Variants in SLC22A23 observed in about 807,000 individuals in gnomAD.
SLC22A23 encodes solute carrier family 22 member 23, also known as ion transporter protein.
A neutral mutation model predicts 61.0 loss-of-function variants in SLC22A23; 26 were observed. The observed-to-expected ratio is 0.43, with a 90% CI of 0.31 to 0.59. The LOEUF is 0.59. Among genes scored for constraint, SLC22A23 ranks in the 20% least tolerant of loss-of-function variants. The probability of loss-of-function intolerance (pLI) is 0.11; values close to 1 mark genes in which losing one functional copy is unlikely to be tolerated. For synonymous variants in SLC22A23, 430 were observed against 413.9 expected (o/e 1.04, Z -0.47); for missense variants, 796 against 934.7 (o/e 0.85, Z 1.94).
At chr6:3,355,131 C>A (rs558384284) in intron 3 of SLC22A23, among the ~76,000 whole-genome samples, 6 of 151,818 alleles carry the variant, frequency 4.0e-5, no homozygotes, top group Admixed American at 3.3e-4. Context: ...GGGCTCCTAC[C>A]CTCTATCTGC....
intron 3 of SLC22A23, among the ~76,000 whole-genome samples, chr6:3,353,088 A>C (rs1764873942): frequency 6.6e-6 from 1 of 152,246 alleles, no homozygotes; most frequent in Non-Finnish European, 1.5e-5. Context: ...GTGTCAAGAG[A>C]TGCAAAGTCT....
chr6:3,306,990 G>A (rs774382575), intron 4 of SLC22A23, among the ~76,000 whole-genome samples: 17 of 152,348 alleles, frequency 1.1e-4, no homozygotes, highest in Non-Finnish European at 2.2e-4. Flanking sequence ...CGTCTGCAGC[G>A]CGGTATGGAT....
At chr6:3,321,727 G>A (rs1762965504) in intron 4 of SLC22A23, among the ~76,000 whole-genome samples, 1 of 152,166 alleles carries the variant, frequency 6.6e-6, no homozygotes, top group African/African-American at 2.4e-5. Flanking sequence ...CTGGGGTGAG[G>A]GAAACAACCC....
At chr6:3,405,407 G>A (rs1258000541) in intron 3 of SLC22A23, among the ~76,000 whole-genome samples, 3 of 152,194 alleles carry the variant, frequency 2.0e-5, no homozygotes, top group Non-Finnish European at 2.9e-5. Context: ...GAAGGCCCAC[G>A]TATCTGAAGA....
chr6:3,379,848 C>A (rs1449343971), intron 3 of SLC22A23, among the ~76,000 whole-genome samples: 2 of 152,126 alleles, frequency 1.3e-5, no homozygotes, highest in Admixed American at 1.3e-4. Context: ...TCAAAGGGTT[C>A]CTGTGGTTTC....
chr6:3,450,552 G>A (rs890431244), intron 1 of SLC22A23, among the ~76,000 whole-genome samples: 5 of 152,308 alleles, frequency 3.3e-5, no homozygotes, highest in East Asian at 1.9e-4. Context: ...TGATCCGCCC[G>A]CCTCGGCCTC....
At chr6:3,374,069 C>T (rs370949531) in intron 3 of SLC22A23, among the ~76,000 whole-genome samples, 1 of 152,210 alleles carries the variant, frequency 6.6e-6, no homozygotes. Context: ...GATTTCAAAA[C>T]CTCACTACTT....
intron 1 of SLC22A23, 54 bp from the exon 2 acceptor site, chr6:3,415,909 C>T (rs1293810082): frequency 8.2e-6 from 11 of 1,340,992 alleles, no homozygotes; most frequent in Admixed American, 2.0e-5. Flanking sequence ...CAGAGCTAGT[C>T]GTACTCAATT....
chr6:3,447,631 C>T (rs1361964967), intron 1 of SLC22A23, among the ~76,000 whole-genome samples: 3 of 149,066 alleles, frequency 2.0e-5, no homozygotes, highest in Non-Finnish European at 3.0e-5. Flanking sequence ...CTCTGTTGCC[C>T]AGGCTGGAGT....
At position 3,322,111 on chromosome 6, in the gene SLC22A23, G is replaced by A. The variant is rs543583863; in HGVS notation, c.1082+1723C>T. On this transcript the variant is annotated intron_variant, in intron 4 of 9. Transcript: ENST00000406686. The surrounding 1 kb of genome is among the most constrained non-coding windows in gnomAD (Gnocchi z 4.1). ...GGAAGACAGGAGCCAGGTGTGGCAA[G>A]AGTTGGCCGCTTCAGGTCCAGGCTC... is the stretch of plus-strand genomic sequence containing the variant. Among the ~76,000 whole-genome samples the A allele has an allele frequency of 2.5e-3, 378 of 152,296 alleles. 2 individuals are homozygous for A. The highest frequency in any genetic ancestry group is 3.4e-3 in the Middle Eastern group (1 of 294).
At chr6:3,282,055 C>T (rs1759517587) in intron 9 of SLC22A23, among the ~76,000 whole-genome samples, 1 of 152,150 alleles carries the variant, frequency 6.6e-6, no homozygotes, top group African/African-American at 2.4e-5. Flanking sequence ...CTACCAACTG[C>T]CAGAGTTAAG....
chr6:3,453,905 C>T (rs1772270888), intron 1 of SLC22A23, among the ~76,000 whole-genome samples: 3 of 152,178 alleles, frequency 2.0e-5, no homozygotes, highest in Admixed American at 1.3e-4. Context: ...CACATTAGTG[C>T]ATCTGATACA....
Position 3,342,767 on chromosome 6 carries a change from T to G in SLC22A23, c.914-18765A>C, listed in dbSNP as rs558066233. 5.3e-5 allele frequency among the ~76,000 whole-genome samples: 8 copies of G among 152,274 alleles called. No individual in the cohort carries two copies. Among genetic ancestry groups the G allele is most frequent in the Non-Finnish European group, 8.8e-5 (6 of 68,028 alleles). On this transcript the variant is annotated intron_variant, in intron 3 of 9. Coordinates refer to ENST00000406686, the MANE Select transcript of SLC22A23 (RefSeq NM_015482.2). The surrounding 1 kb of genome is among the most constrained non-coding windows in gnomAD (Gnocchi z 4.0). ...AACCTTTTCCTCCACCCTCCTAGGG[T>G]CAGTGCTTGGGGCCTGTGAATTAAA...
rs929724768 is a variant in SLC22A23 at position 3,441,222 on chromosome 6, C to T, written c.654+14684G>A. Among the ~76,000 whole-genome samples, 8 of 152,268 alleles carry T rather than the reference C, an allele frequency of 5.3e-5. No individual in the cohort carries two copies. The East Asian group carries it at 7.7e-4, about 15-fold the overall frequency. ...ACATGGGTGTGTCCTGGAGGTACAG[C>T]GCCTCAGGGGCTGGCTTGAGGGGCT... On this transcript the variant is annotated intron_variant, in intron 1 of 9. Transcript: ENST00000406686.
At position 3,396,568 on chromosome 6, in the gene SLC22A23, A is replaced by G. The variant is rs565233027; in HGVS notation, c.913+13620T>C. Among the ~76,000 whole-genome samples, 7 of 152,124 alleles carry G rather than the reference A, an allele frequency of 4.6e-5. No homozygotes were observed. In the East Asian group the frequency reaches 9.7e-4, roughly 21 times the overall value. On this transcript the variant is annotated intron_variant, in intron 3 of 9. Transcript: ENST00000406686. ...ACCTCAAAAACAAAACAAAACAACA[A>G]CAACAAACCCCAAGACCCTAGCAGG...
chr6:3,303,141 A>G (rs1581654075), intron 4 of SLC22A23: 1 of 152,226 alleles, frequency 6.6e-6, no homozygotes, highest in South Asian at 2.1e-4. Context: ...AACACAAATC[A>G]AAACCACAAT....
chr6:3,302,995 C>T (rs1310779860), intron 4 of SLC22A23: 1 of 152,078 alleles, frequency 6.6e-6, no homozygotes, highest in African/African-American at 2.4e-5. Flanking sequence ...ATATGAGGAA[C>T]TCAAACACCT....
Position 3,287,055 on chromosome 6 carries a change from C to T in SLC22A23, c.1350G>A (p.Arg450=). 6.2e-7 allele frequency: 1 copy of T among 1,614,220 alleles called. No individual in the cohort carries two copies. Among genetic ancestry groups the T allele is most frequent in the Non-Finnish European group, 8.5e-7 (1 of 1,180,030 alleles). ...CCTTCACCTCGTGGCCCATCATGCT[C>T]CTGGCAAAGCAGTGGTGGATCCCGT... is the stretch of plus-strand genomic sequence containing the variant. The part of the protein sequence containing the change: ...TGYGIHHCFA[R]SMMGHEVKVP... The change falls in exon 7 of 10, where the codon AGG becomes AGA. Residue 450 remains arginine (R), a synonymous_variant. Transcript: ENST00000406686.
At chr6:3,408,669 C>T (rs1352248643) in intron 3 of SLC22A23, among the ~76,000 whole-genome samples, 1 of 152,244 alleles carries the variant, frequency 6.6e-6, no homozygotes, top group African/African-American at 2.4e-5. Context: ...AAAACCAATA[C>T]ACCATCTTTG....
Sources: gnomAD v4.1 joint callset for allele counts (sites outside exome capture counted in the v4.1 genomes callset) on GRCh38, gnomAD v4.1.1 for gene constraint, Gnocchi (gnomAD v3.1) non-coding constraint, MANE v1.5 for transcripts, NCBI Gene and HGNC (gene_info 2026-07-23, HGNC 2026-07-21) for gene names.